Variants in CTSW observed in about 807,000 individuals in gnomAD.
The protein encoded by CTSW is lymphopain.
Under a neutral mutation model 43.8 loss-of-function variants are expected in CTSW, and 42 were observed. The observed-to-expected ratio is 0.96, with a 90% CI of 0.75 to 1.24. CTSW has a LOEUF of 1.24. Among genes scored for constraint, CTSW ranks in the 50% most tolerant of loss-of-function variants. The probability of loss-of-function intolerance (pLI) is 0.00; values close to 1 mark genes in which losing one functional copy is unlikely to be tolerated. For missense variants in CTSW, 475 were observed against 479.9 expected (o/e 0.99, Z 0.09); for synonymous variants, 191 against 184.8 (o/e 1.03, Z -0.27).
Position 65,883,372 on chromosome 11 carries a change from C to A in CTSW, c.968C>A (p.Pro323His). 6.2e-7 allele frequency: 1 copy of A among 1,614,112 alleles called. No individual in the cohort carries two copies. Among genetic ancestry groups the A allele is most frequent in the Non-Finnish European group, 8.5e-7 (1 of 1,180,012 alleles). Residue 323 changes from proline to histidine, a missense_variant, in exon 9 of 10, where the codon CCC becomes CAC. Physicochemically the swap from Pro to His is moderately conservative, Grantham distance 77 (BLOSUM62 -2). Transcript: ENST00000307886. Reference sequence around the variant, plus strand: ...CAGTCTCAGCCTCAGCCTCCACACCCCACCCCATACTGGATCCTGAAGAAC... The same window carrying A: ...CAGTCTCAGCCTCAGCCTCCACACCACACCCCATACTGGATCCTGAAGAAC... The part of the protein sequence containing the change: ...SSQSQPQPPH[P>H]TPYWILKNSW...
rs761278901 is a variant in CTSW, at chr11:65,882,214, C to G, written c.326C>G (p.Ala109Gly). Reference sequence around the variant, plus strand: ...CAGCTCTATGGCTATCGGAGGGCAGCTGGAGGGGTCCCCAGCATGGGCAGA... The same window carrying G: ...CAGCTCTATGGCTATCGGAGGGCAGGTGGAGGGGTCCCCAGCATGGGCAGA... ...FGQLYGYRRA[A>G]GGVPSMGREI... Residue 109 changes from alanine to glycine, a missense_variant, in exon 4 of 10, where the codon GCT (alanine) becomes GGT (glycine). By Grantham distance (60) the Ala-to-Gly change is moderately conservative. Transcript: ENST00000307886. 9.3e-6 allele frequency: 15 copies of G among 1,614,182 alleles called. No homozygotes were observed. The South Asian group carries it at 1.6e-4, about 18-fold the overall frequency.
intron 5 of CTSW, 29 bp downstream of exon 5, chr11:65,882,555 CA>C: frequency 5.6e-6 from 9 of 1,614,076 alleles, no homozygotes; most frequent in Non-Finnish European, 5.9e-6. Flanking sequence ...GCGCGTGTGA[CA>C]GGGGAGGGAG....
In CTSW at chr11:65,882,634, G is replaced by A; in HGVS notation, c.564G>A (p.Gly188=). The A allele has an allele frequency of 6.2e-7, 1 of 1,614,198 alleles. No homozygotes were observed. Among genetic ancestry groups the A allele is most frequent in the Non-Finnish European group, 8.5e-7 (1 of 1,180,038 alleles). The part of the protein sequence containing the change: ...VQELLDCGRC[G]DGCHGGFVWD... ...AACTGCTGGACTGTGGCCGCTGTGG[G>A]GATGGCTGCCACGGTGGCTTCGTCT... The change falls in exon 6 of 10, where the codon GGG becomes GGA. Residue 188 remains glycine, a synonymous_variant. Transcript: ENST00000307886.
chr11:65,879,947 T>A lies in CTSW; in HGVS notation c.87+6T>A. 6.2e-7 allele frequency: 1 copy of A among 1,610,340 alleles called. No individual in the cohort carries two copies. Among genetic ancestry groups the A allele is most frequent in the Non-Finnish European group, 8.5e-7 (1 of 1,177,910 alleles). On this transcript the variant is annotated splice_donor_region_variant and intron_variant, in intron 1 of 9. Coordinates refer to ENST00000307886, the MANE Select transcript of CTSW (RefSeq NM_001335.4). ...GAGGCCCCCTTAGGGCCCAGGTAAG[T>A]GCTCCCAAACCCTTACCTATGCCAG...
chr11:65,883,705 C>T lies in CTSW; in HGVS notation c.*87C>T, dbSNP rs1356547040. 8.3e-7 allele frequency: 1 copy of T among 1,199,654 alleles called. No homozygotes were observed. The highest frequency in any genetic ancestry group is 1.2e-6 in the Non-Finnish European group (1 of 822,600). 74.3% of individuals were successfully genotyped at this position (1,199,654 alleles called of 1,614,324 possible). A position where few individuals can be genotyped will look rare whatever the true frequency, so the allele number is the denominator to read the frequency against. On this transcript the variant is annotated 3_prime_UTR_variant, in exon 10 of 10. Transcript: ENST00000307886. ...CCAGGTTTTTGCCCATCCTCCCAAT[C>T]TCAATACAGCCTGAATAAACCAAGA...
chr11:65,882,169 C>A lies in CTSW; in HGVS notation c.287-6C>A. 6.2e-7 allele frequency: 1 copy of A among 1,613,840 alleles called. No individual in the cohort carries two copies. Among genetic ancestry groups the A allele is most frequent in the Non-Finnish European group, 8.5e-7 (1 of 1,179,824 alleles). On this transcript the variant is annotated splice_polypyrimidine_tract_variant and splice_region_variant and intron_variant, in intron 3 of 9. Coordinates refer to ENST00000307886, the MANE Select transcript of CTSW (RefSeq NM_001335.4). ...GGAGACCTCAGTGGCCCTGTCTGTT[C>A]CCCAGAGGAGGAGTTTGGCCAGCTC...
chr11:65,883,482 C>A lies in CTSW; in HGVS notation c.1021-26C>A, dbSNP rs200433514. 6.2e-7 allele frequency: 1 copy of A among 1,611,640 alleles called. No individual in the cohort carries two copies. The highest frequency in any genetic ancestry group is 1.3e-5 in the African/African-American group (1 of 74,958). ...CAGAACAGGCCTCTTCCCACCTTCC[C>A]GCCCCTATGTCCCCTAACCTCCTAG... On this transcript the variant is annotated intron_variant, in intron 9 of 9. Coordinates refer to ENST00000307886, the MANE Select transcript of CTSW (RefSeq NM_001335.4).
chr11:65,882,287 C>A lies in CTSW; in HGVS notation c.399C>A (p.Asp133Glu). ...AGGAGTCAGTACCTTTCAGCTGTGACTGGCGGAAGGTGGCCAGCGCCATCT... is the reference window on the plus strand; with the variant it reads ...AGGAGTCAGTACCTTTCAGCTGTGAATGGCGGAAGGTGGCCAGCGCCATCT... ...EPEESVPFSC[D>E]WRKVASAISP... The change falls in exon 4 of 10, where the codon GAC becomes GAA. Residue 133 changes from aspartate (D) to glutamate (E), a missense_variant. Physicochemically the swap from Asp to Glu is conservative, Grantham distance 45. Transcript: ENST00000307886. 2 of 1,614,160 alleles carry A rather than the reference C, an allele frequency of 1.2e-6. No homozygotes were observed. The highest frequency in any genetic ancestry group is 1.7e-6 in the Non-Finnish European group (2 of 1,180,022).
At chr11:65,881,301 C>A in intron 2 of CTSW, 106 bp from the exon 3 acceptor site, 2 of 618,154 alleles carry the variant, frequency 3.2e-6, no homozygotes, top group Non-Finnish European at 5.5e-6. Context: ...AGGAAAGGAG[C>A]CAGTGCTCAA....
At chr11:65,880,730 G>A (rs866993382) in intron 2 of CTSW, 10 of 180,824 alleles carry the variant, frequency 5.5e-5, no homozygotes, top group Admixed American at 3.5e-4. Flanking sequence ...CTGGTTTCCC[G>A]AAGGCATGAG....
chr11:65,883,303 G>A lies in CTSW; in HGVS notation c.899G>A (p.Ser300Asn), dbSNP rs760552963. ...DHSVLLVGFG[S>N]VKSEEGIWAE... is the part of the protein sequence containing the mutation. ...TCTGTCCTGCTGGTGGGTTTTGGCA[G>A]CGTCAAGTCAGAGGAGGGGATATGG... is the stretch of plus-strand genomic sequence containing the variant. The change falls in exon 9 of 10, where the codon AGC (serine) becomes AAC (asparagine). Residue 300 changes from serine to asparagine, a missense_variant. Ser to Asn is a conservative substitution (Grantham distance 46). Transcript: ENST00000307886. 6.2e-7 allele frequency: 1 copy of A among 1,614,090 alleles called. No homozygotes were observed. The highest frequency in any genetic ancestry group is 8.5e-7 in the Non-Finnish European group (1 of 1,179,992).
rs1300503594 is a variant in CTSW at position 65,881,442 on chromosome 11, C to T, written c.208C>T (p.Leu70=). 12 of 1,610,048 alleles carry T rather than the reference C, an allele frequency of 7.5e-6. No homozygotes were observed. The highest frequency in any genetic ancestry group is 1.0e-5 in the Non-Finnish European group (12 of 1,177,898). The change falls in exon 3 of 10, where the codon CTG becomes TTG. Residue 70 remains leucine (L), a synonymous_variant. Coordinates refer to ENST00000307886, the MANE Select transcript of CTSW (RefSeq NM_001335.4). ...CCGCCTGGACATCTTTGCCCACAAC[C>T]TGGCCCAGGCTCAGAGGCTGCAGGA... is the stretch of plus-strand genomic sequence containing the variant. ...AHRLDIFAHN[L]AQAQRLQEED...
At chr11:65,881,761 G>A (rs773259811) in intron 3 of CTSW, among the ~76,000 whole-genome samples, 5 of 152,098 alleles carry the variant, frequency 3.3e-5, no homozygotes, top group Non-Finnish European at 5.9e-5. Flanking sequence ...CACCCAGCAG[G>A]GAGCCCAGCC....
rs1464403916 is a variant in CTSW at position 65,883,590 on chromosome 11, T to C, written c.1103T>C (p.Met368Thr). The C allele has an allele frequency of 3.1e-6, 5 of 1,614,030 alleles. No individual in the cohort carries two copies. The Admixed American group carries it at 5.0e-5, about 16-fold the overall frequency. ...ACTGCCCGTGTGCAGAAACCGGATA[T>C]GAAGCCCCGAGTCTCCTGCCCTCCC... ...PLTARVQKPD[M>T]KPRVSCPP Residue 368 changes from methionine to threonine, a missense_variant, in exon 10 of 10, where the codon ATG becomes ACG. Transcript: ENST00000307886.
In CTSW at chr11:65,882,224, C is replaced by A. The variant is rs1565278208; in HGVS notation, c.336C>A (p.Val112=). Residue 112 remains valine, a synonymous_variant, in exon 4 of 10, where the codon GTC becomes GTA. Coordinates refer to ENST00000307886, the MANE Select transcript of CTSW (RefSeq NM_001335.4). ...GCTATCGGAGGGCAGCTGGAGGGGT[C>A]CCCAGCATGGGCAGAGAAATAAGGT... The part of the protein sequence containing the change: ...LYGYRRAAGG[V]PSMGREIRSE... 1 of 1,614,122 alleles carries A rather than the reference C, an allele frequency of 6.2e-7. No homozygotes were observed. Among genetic ancestry groups the A allele is most frequent in the East Asian group, 2.2e-5 (1 of 44,872 alleles).
At chr11:65,883,473 C>T (rs1860146113) in intron 9 of CTSW, 35 bp from the exon 10 acceptor site, 3 of 1,611,606 alleles carry the variant, frequency 1.9e-6, no homozygotes, top group Non-Finnish European at 1.7e-6. Context: ...AGGCCTCTTC[C>T]CACCTTCCCG....
intron 3 of CTSW, among the ~76,000 whole-genome samples, chr11:65,881,826 G>C (rs1399193474): frequency 6.6e-6 from 1 of 152,138 alleles, no homozygotes; most frequent in African/African-American, 2.4e-5. Flanking sequence ...CTGTTGTCCA[G>C]GCTGCAGTAC....
At chr11:65,882,583 A>T in intron 5 of CTSW, 26 bp from the exon 6 acceptor site, 1 of 1,614,068 alleles carries the variant, frequency 6.2e-7, no homozygotes, top group South Asian at 1.1e-5. Context: ...GGGCCTGGTC[A>T]CCCACACTGT....
At chr11:65,881,366 G>A in intron 2 of CTSW, 41 bp from the exon 3 acceptor site, 1 of 1,444,130 alleles carries the variant, frequency 6.9e-7, no homozygotes, top group Non-Finnish European at 9.4e-7. Flanking sequence ...CTGCCCCTAA[G>A]GGCTTGGGAG....
Sources: gnomAD v4.1 joint callset for allele counts (sites outside exome capture counted in the v4.1 genomes callset) on GRCh38, gnomAD v4.1.1 for gene constraint, MANE v1.5 for transcripts, NCBI Gene and HGNC (gene_info 2026-07-23, HGNC 2026-07-21) for gene names.